Variants in ENTREP2 observed in about 807,000 individuals in gnomAD.
ENTREP2 encodes the protein endosomal transmembrane epsin interactor 2, also known as protein ENTREP2.
At chr15:29,141,999 C>T in the ENTREP2 span, among the ~76,000 whole-genome samples, 2 of 152,092 alleles carry the variant, frequency 1.3e-5, no homozygotes, top group African/African-American at 4.8e-5. Context: ...AAGAGCTGCT[C>T]GTTCTGTGAA....
At chr15:29,131,081 G>A in the ENTREP2 span, among the ~76,000 whole-genome samples, 48 of 152,268 alleles carry the variant, frequency 3.2e-4, no homozygotes, top group African/African-American at 9.6e-4. Context: ...AATTCAAATT[G>A]TATGAAGCTA....
chr15:29,476,224 C>T, the ENTREP2 span, among the ~76,000 whole-genome samples: 2 of 152,196 alleles, frequency 1.3e-5, no homozygotes, highest in African/African-American at 4.8e-5. Context: ...ATTTACATAA[C>T]GTGTTCAATA....
the ENTREP2 span, among the ~76,000 whole-genome samples, chr15:29,159,207 G>A: frequency 1.6e-3 from 247 of 152,124 alleles, 1 homozygote; most frequent in African/African-American, 5.0e-3. Context: ...TGGTCTCGCT[G>A]GCCTAGGAGT....
chr15:29,395,222 C>G, the ENTREP2 span, among the ~76,000 whole-genome samples: 1 of 151,776 alleles, frequency 6.6e-6, no homozygotes, highest in Non-Finnish European at 1.5e-5. Flanking sequence ...GTATTCTGTA[C>G]GTATAGACCT....
chr15:29,244,676 A>G, the ENTREP2 span, among the ~76,000 whole-genome samples: 4 of 152,198 alleles, frequency 2.6e-5, no homozygotes, highest in Non-Finnish European at 5.9e-5. Context: ...AACTGATGGA[A>G]AAGTGAACTG....
the ENTREP2 span, among the ~76,000 whole-genome samples, chr15:29,308,205 G>A: frequency 2.0e-5 from 3 of 151,914 alleles, no homozygotes; most frequent in Non-Finnish European, 2.9e-5. Context: ...GTGAAACCCC[G>A]TCTCTACTAA....
chr15:29,236,361 G>A, the ENTREP2 span, among the ~76,000 whole-genome samples: 11 of 152,016 alleles, frequency 7.2e-5, no homozygotes, highest in African/African-American at 2.7e-4. Flanking sequence ...AAGGAAATTG[G>A]GAAGCCAGGC....
At chr15:29,258,719 C>T in the ENTREP2 span, among the ~76,000 whole-genome samples, 1 of 152,270 alleles carries the variant, frequency 6.6e-6, no homozygotes, top group African/African-American at 2.4e-5. Context: ...ACTCCATACC[C>T]ATTAAACAAT....
chr15:29,355,505 T>TA, the ENTREP2 span, among the ~76,000 whole-genome samples: 589 of 140,978 alleles, frequency 4.2e-3, 1 homozygote, highest in Middle Eastern at 0.014. Context: ...GTGATACAAA[T>TA]AAAAAAAAAA....
At chr15:29,129,677 G>T in the ENTREP2 span, among the ~76,000 whole-genome samples, 1 of 152,044 alleles carries the variant, frequency 6.6e-6, no homozygotes, top group Non-Finnish European at 1.5e-5. Context: ...GATATACTCT[G>T]ATTCCGCCTG....
chr15:29,347,259 C>T, the ENTREP2 span, among the ~76,000 whole-genome samples: 1 of 152,174 alleles, frequency 6.6e-6, no homozygotes, highest in Admixed American at 6.5e-5. Context: ...ACTGTCTTGA[C>T]TCATGCAGTC....
At chr15:29,245,678 G>A in the ENTREP2 span, among the ~76,000 whole-genome samples, 13 of 151,658 alleles carry the variant, frequency 8.6e-5, no homozygotes, top group South Asian at 4.2e-4. Context: ...GGTAACAAAC[G>A]TGAAGTGGCA....
chr15:29,264,219 T>G, the ENTREP2 span, among the ~76,000 whole-genome samples: 1 of 149,282 alleles, frequency 6.7e-6, no homozygotes, highest in African/African-American at 2.5e-5. Context: ...TAAATGATGT[T>G]GGGGCATGTT....
chr15:29,518,571 G>A, the ENTREP2 span, among the ~76,000 whole-genome samples: 102 of 152,264 alleles, frequency 6.7e-4, 1 homozygote, highest in East Asian at 6.0e-3. Context: ...TTCTGGACCC[G>A]CAACCCAGAG....
At chr15:29,123,499 G>T in the ENTREP2 span, 5 of 1,551,724 alleles carry the variant, frequency 3.2e-6, no homozygotes, top group South Asian at 1.2e-5. Context: ...CCTGGCATCC[G>T]CATAGGCCTT....
the ENTREP2 span, among the ~76,000 whole-genome samples, chr15:29,300,665 C>A: frequency 6.6e-6 from 1 of 152,104 alleles, no homozygotes; most frequent in African/African-American, 2.4e-5. Flanking sequence ...GTGGTGCGAT[C>A]TCGGCTCACT....
At chr15:29,455,260 T>C in the ENTREP2 span, among the ~76,000 whole-genome samples, 1 of 152,024 alleles carries the variant, frequency 6.6e-6, no homozygotes, top group Non-Finnish European at 1.5e-5. Context: ...AGGCAAGCCA[T>C]ACTAACCATG....
the ENTREP2 span, among the ~76,000 whole-genome samples, chr15:29,657,773 C>G: frequency 6.6e-6 from 1 of 152,134 alleles, no homozygotes; most frequent in Non-Finnish European, 1.5e-5. Context: ...CAAGTCTCCA[C>G]TAGACCCAGG....
At chr15:29,357,695 C>T in the ENTREP2 span, among the ~76,000 whole-genome samples, 22 of 151,960 alleles carry the variant, frequency 1.4e-4, no homozygotes, top group East Asian at 1.7e-3. Context: ...AAAAATTAGC[C>T]GGGCGTGGTG....
Sources: gnomAD v4.1 joint callset for allele counts (sites outside exome capture counted in the v4.1 genomes callset) on GRCh38, gnomAD v4.1.1 for gene constraint, MANE v1.5 for transcripts, NCBI Gene and HGNC (gene_info 2026-07-23, HGNC 2026-07-21) for gene names.